The following ADCY2 variants were observed in gnomAD, a reference collection of about 807,000 sequenced individuals.
ADCY2 encodes the protein adenylate cyclase type 2.
A neutral mutation model predicts 125.2 loss-of-function variants in ADCY2; 31 were observed. The observed-to-expected ratio is 0.25, with a 90% CI of 0.19 to 0.33. The LOEUF is 0.33. ADCY2 is among the 10% of genes least tolerant of loss of function. The pLI is 1.00. For missense variants in ADCY2, 904 were observed against 1,418.2 expected (o/e 0.64, Z 5.82); for synonymous variants, 512 against 548.4 (o/e 0.93, Z 0.93).
intron 20 of ADCY2, among the ~76,000 whole-genome samples, chr5:7,790,500 A>G (rs549541915): frequency 6.6e-6 from 1 of 152,352 alleles, no homozygotes; most frequent in South Asian, 2.1e-4. Context: ...GCTGAAGTGC[A>G]AGAGAAAGCA....
chr5:7,725,577 T>C (rs1283053478), intron 13 of ADCY2, among the ~76,000 whole-genome samples: 2 of 152,190 alleles, frequency 1.3e-5, no homozygotes, highest in African/African-American at 4.8e-5. Flanking sequence ...TGCACAACTA[T>C]TGACCACCTT....
chr5:7,805,289 C>A (rs1326466107), intron 22 of ADCY2, among the ~76,000 whole-genome samples: 1 of 152,042 alleles, frequency 6.6e-6, no homozygotes, highest in African/African-American at 2.4e-5. Flanking sequence ...CCACTGCACT[C>A]CAGCCCGTGT....
At chr5:7,524,266 A>G (rs1431139383) in intron 3 of ADCY2, among the ~76,000 whole-genome samples, 2 of 152,256 alleles carry the variant, frequency 1.3e-5, no homozygotes, top group African/African-American at 4.8e-5. Flanking sequence ...AATAAGTTGC[A>G]AATAGAGTAC....
intron 3 of ADCY2, among the ~76,000 whole-genome samples, chr5:7,587,016 T>TATA (rs1458486078): frequency 6.6e-6 from 1 of 152,156 alleles, no homozygotes; most frequent in East Asian, 1.9e-4. Context: ...ATATAGGTGA[T>TATA]ATAGATCGTT....
intron 7 of ADCY2, among the ~76,000 whole-genome samples, chr5:7,705,923 A>G (rs1261146121): frequency 1.3e-5 from 2 of 152,182 alleles, no homozygotes; most frequent in Non-Finnish European, 2.9e-5. Context: ...TGAGATGTTA[A>G]TGATTCATTT....
intron 2 of ADCY2, among the ~76,000 whole-genome samples, chr5:7,426,419 C>G (rs183057506): frequency 7.9e-5 from 12 of 152,272 alleles, no homozygotes; most frequent in South Asian, 4.1e-4. Flanking sequence ...GAGAATGGCT[C>G]TCTGCTCCCA....
Position 7,827,477 on chromosome 5 carries a change from T to G in ADCY2, c.*606T>G, listed in dbSNP as rs1745527884. 1 of 152,596 alleles carries G rather than the reference T, an allele frequency of 6.6e-6. No homozygotes were observed. Among genetic ancestry groups the G allele is most frequent in the South Asian group, 2.1e-4 (1 of 4,832 alleles). 9.5% of individuals were successfully genotyped at this position (152,596 alleles called of 1,614,324 possible). A position where few individuals can be genotyped will look rare whatever the true frequency, so the allele number is the denominator to read the frequency against. ...GTTTTGTATCAAACTCGTCTGATGT[T>G]TTGATGCCATTTGTCTTTTGTAAAG... On this transcript the variant is annotated 3_prime_UTR_variant, in exon 25 of 25. Coordinates refer to ENST00000338316, the MANE Select transcript of ADCY2 (RefSeq NM_020546.3).
Position 7,743,741 on chromosome 5 carries a change from G to A in ADCY2, c.1945G>A (p.Gly649Arg). Residue 649 changes from glycine to arginine, a missense_variant, in exon 15 of 25, where the codon GGA becomes AGA. By Grantham distance (125) the Gly-to-Arg change is moderately radical (BLOSUM62 -2). This residue lies in a region of ADCY2 where 221 missense variants were observed against 246.2 expected (regional missense o/e 0.90). Coordinates refer to ENST00000338316, the MANE Select transcript of ADCY2 (RefSeq NM_020546.3). ...LAFILFVCFAGQLLQCSKKAS... is the reference protein window; with the variant it reads ...LAFILFVCFARQLLQCSKKAS... ...CTTCATCCTCTTCGTCTGCTTTGCT[G>A]GACAGCTTCTGGTAGGTATTCAAAT... 1 of 1,613,920 alleles carries A rather than the reference G, an allele frequency of 6.2e-7. No individual in the cohort carries two copies. Among genetic ancestry groups the A allele is most frequent in the Non-Finnish European group, 8.5e-7 (1 of 1,179,926 alleles).
At chr5:7,544,721 C>T (rs1408297808) in intron 3 of ADCY2, among the ~76,000 whole-genome samples, 1 of 152,196 alleles carries the variant, frequency 6.6e-6, no homozygotes. Flanking sequence ...TTGTTCTGCT[C>T]ATGCTCAGGC....
chr5:7,400,039 A>G (rs2111435309), intron 1 of ADCY2, among the ~76,000 whole-genome samples: 1 of 152,222 alleles, frequency 6.6e-6, no homozygotes, highest in African/African-American at 2.4e-5. Flanking sequence ...CATTTATTAT[A>G]TCCAAAATCA....
chr5:7,660,408 T>C (rs955830509), intron 4 of ADCY2, among the ~76,000 whole-genome samples: 10 of 152,108 alleles, frequency 6.6e-5, no homozygotes, highest in African/African-American at 2.2e-4. Flanking sequence ...CTGATTTTGC[T>C]CCCTTTACAT....
At chr5:7,575,015 A>G (rs1297480867) in intron 3 of ADCY2, among the ~76,000 whole-genome samples, 1 of 152,174 alleles carries the variant, frequency 6.6e-6, no homozygotes, top group Non-Finnish European at 1.5e-5. Flanking sequence ...CAGTAGTACA[A>G]TTCCATTTGT....
At chr5:7,704,886 A>G (rs1404026271) in intron 7 of ADCY2, among the ~76,000 whole-genome samples, 1 of 152,074 alleles carries the variant, frequency 6.6e-6, no homozygotes. Flanking sequence ...TCCAAAAAAA[A>G]AAAAAAAAAA....
At chr5:7,723,640 G>C (rs537762524) in intron 12 of ADCY2, among the ~76,000 whole-genome samples, 2 of 151,962 alleles carry the variant, frequency 1.3e-5, no homozygotes, top group African/African-American at 4.8e-5. Flanking sequence ...TTAAAAACTC[G>C]GGACAGGCGC....
chr5:7,645,846 T>C (rs1233599883), intron 4 of ADCY2, among the ~76,000 whole-genome samples: 1 of 152,222 alleles, frequency 6.6e-6, no homozygotes, highest in Non-Finnish European at 1.5e-5. Context: ...AACTAGGTTA[T>C]CTGCCATGGG....
chr5:7,804,117 A>G (rs1212216563), intron 21 of ADCY2, among the ~76,000 whole-genome samples: 2 of 150,102 alleles, frequency 1.3e-5, no homozygotes, highest in South Asian at 2.1e-4. Flanking sequence ...AGGGCTGATG[A>G]CAACCATTCT....
chr5:7,772,903 T>C (rs1245946801), intron 17 of ADCY2, 29 bp from the exon 18 acceptor site: 1 of 1,606,998 alleles, frequency 6.2e-7, no homozygotes. Context: ...AGATCCTAAG[T>C]ATCTGTCTGG....
intron 2 of ADCY2, among the ~76,000 whole-genome samples, chr5:7,515,898 A>G (rs1433390158): frequency 6.6e-6 from 1 of 152,200 alleles, no homozygotes; most frequent in African/African-American, 2.4e-5. Context: ...AAGTAAAGCC[A>G]ATGAAGAGGA....
chr5:7,767,386 CT>C (rs1190219287), intron 17 of ADCY2, among the ~76,000 whole-genome samples: 2 of 152,078 alleles, frequency 1.3e-5, no homozygotes, highest in Non-Finnish European at 2.9e-5. Context: ...TGCTTAACAA[CT>C]TTGTCCTTCC....
Sources: gnomAD v4.1 joint callset for allele counts (sites outside exome capture counted in the v4.1 genomes callset) on GRCh38, gnomAD v4.1.1 for gene constraint, gnomAD v4.1.1 regional missense constraint, MANE v1.5 for transcripts, NCBI Gene and HGNC (gene_info 2026-07-23, HGNC 2026-07-21) for gene names.